Variants in ZPLD1 observed in about 807,000 individuals in gnomAD.
The protein encoded by ZPLD1 is zona pellucida-like domain-containing protein 1.
Under a neutral mutation model 47.2 loss-of-function variants are expected in ZPLD1, and 34 were observed. That is an observed-to-expected ratio of 0.72 (90% CI 0.55 to 0.96). The LOEUF is 0.96. Among genes scored for constraint, ZPLD1 ranks in the 40% least tolerant of loss-of-function variants. ZPLD1 has a pLI of 0.00. For missense variants in ZPLD1, 512 were observed against 505.8 expected (o/e 1.01, Z -0.12); for synonymous variants, 176 against 186.2 (o/e 0.95, Z 0.45).
chr3:102,438,465 A>G lies in ZPLD1; in HGVS notation c.-8-15A>G, dbSNP rs777574806. 3.8e-6 allele frequency: 6 copies of G among 1,591,152 alleles called. No homozygotes were observed. Among genetic ancestry groups the G allele is most frequent in the East Asian group, 4.5e-5 (2 of 44,750 alleles). ...TTAAGTGGGAGTGTCCACATGATAG[A>G]TATCTCTTTTCCAGGTTTTGCAATG... On this transcript the variant is annotated splice_polypyrimidine_tract_variant and intron_variant, in intron 2 of 11. Transcript: ENST00000466937.
Position 102,464,176 on chromosome 3 carries a change from A to G in ZPLD1, c.686A>G (p.Asn229Ser), listed in dbSNP as rs759623058. Residue 229 changes from asparagine (N) to serine (S), a missense_variant, in exon 8 of 12, where the codon AAT (asparagine) becomes AGT (serine). Coordinates refer to ENST00000466937, the MANE Select transcript of ZPLD1 (RefSeq NM_001329788.2). Reference protein sequence around the residue: ...VQATNLDGRWNVLMDYCYTTP... With the variant: ...VQATNLDGRWSVLMDYCYTTP... ...GTTTGCTTACATTCTTTCAGATGGAATGTTTTAATGGATTATTGCTATACT... is the reference window on the plus strand; with the variant it reads ...GTTTGCTTACATTCTTTCAGATGGAGTGTTTTAATGGATTATTGCTATACT... The G allele has an allele frequency of 3.7e-6, 6 of 1,609,682 alleles. No homozygotes were observed. The South Asian group carries it at 6.6e-5, about 18-fold the overall frequency.
intron 7 of ZPLD1, among the ~76,000 whole-genome samples, chr3:102,407,440 T>C (rs557241102): frequency 0.02 from 1,902 of 96,416 alleles, 126 homozygotes; most frequent in African/African-American, 0.067. Context: ...TATATATATA[T>C]ATACACACAT....
rs376422041 is a variant in ZPLD1 at position 102,390,902 on chromosome 3, A to G, written c.-212-1268A>G. Among the ~76,000 whole-genome samples, 9 of 152,152 alleles carry G rather than the reference A, an allele frequency of 5.9e-5. 1 individual carries two copies. Among genetic ancestry groups the G allele is most frequent in the Admixed American group, 3.9e-4 (6 of 15,274 alleles). ...ACATTGGAAAGCACCTCAAATAATT[A>G]GCATGTAAGCCCAGTGATATTCTAG... is the stretch of plus-strand genomic sequence containing the variant. On this transcript the variant is annotated intron_variant, in intron 6 of 17. Transcript: ENST00000491959.
chr3:102,468,199 A>G (rs1312484389), intron 8 of ZPLD1, among the ~76,000 whole-genome samples: 1 of 152,162 alleles, frequency 6.6e-6, no homozygotes, highest in East Asian at 1.9e-4. Flanking sequence ...AGAAGTAAGC[A>G]TTGTTTTCAT....
At position 102,468,969 on chromosome 3, in the gene ZPLD1, A is replaced by T; in HGVS notation, c.767A>T (p.Asp256Val). Residue 256 changes from aspartate to valine, a missense_variant, in exon 9 of 12, where the codon GAC becomes GTC. Physicochemically the swap from Asp to Val is radical, Grantham distance 152 (BLOSUM62 -3). Coordinates refer to ENST00000466937, the MANE Select transcript of ZPLD1 (RefSeq NM_001329788.2). ...TCACGTTCCCTAAAATTTAGCTGTGACAAGGACCCTCAGACCACCGTCATT... is the reference window on the plus strand; with the variant it reads ...TCACGTTCCCTAAAATTTAGCTGTGTCAAGGACCCTCAGACCACCGTCATT... ...DIRYDLFLSCDKDPQTTVIEN... is the reference protein window; with the variant it reads ...DIRYDLFLSCVKDPQTTVIEN... 2 of 1,611,714 alleles carry T rather than the reference A, an allele frequency of 1.2e-6. No homozygotes were observed. The highest frequency in any genetic ancestry group is 1.7e-6 in the Non-Finnish European group (2 of 1,179,102).
At chr3:102,440,414 G>C (rs921526270) in intron 3 of ZPLD1, among the ~76,000 whole-genome samples, 2 of 152,034 alleles carry the variant, frequency 1.3e-5, no homozygotes, top group Admixed American at 6.6e-5. Context: ...GAGAGAAAGA[G>C]AAGATTAAAG....
chr3:102,425,432 T>A (rs1253152680), intron 8 of ZPLD1, among the ~76,000 whole-genome samples: 1 of 152,206 alleles, frequency 6.6e-6, no homozygotes, highest in Non-Finnish European at 1.5e-5. Context: ...ATTTATTAGT[T>A]ATAATGCAAC....
At chr3:102,422,444 C>G (rs1431991905) in intron 8 of ZPLD1, among the ~76,000 whole-genome samples, 1 of 152,034 alleles carries the variant, frequency 6.6e-6, no homozygotes, top group Non-Finnish European at 1.5e-5. Context: ...TGGCCCAAAA[C>G]ATCAATAGTG....
chr3:102,454,317 T>G (rs1707380528), intron 4 of ZPLD1, among the ~76,000 whole-genome samples: 1 of 152,142 alleles, frequency 6.6e-6, no homozygotes, highest in Non-Finnish European at 1.5e-5. Context: ...GGTTATGAAG[T>G]GGACCTAAGG....
In ZPLD1 at chr3:102,469,197, A is replaced by G. The variant is rs556751868; in HGVS notation, c.933+62A>G. On this transcript the variant is annotated intron_variant, in intron 9 of 11. Coordinates refer to ENST00000466937, the MANE Select transcript of ZPLD1 (RefSeq NM_001329788.2). ...TTGATCTAAGCTGAAAGGTTATCAA[A>G]TGTCAGAAACTAAGTTCTGCATAGA... 4.1e-5 allele frequency: 63 copies of G among 1,525,884 alleles called. No homozygotes were observed. The African/African-American group carries it at 8.1e-4, about 20-fold the overall frequency. 94.5% of individuals were successfully genotyped at this position (1,525,884 alleles called of 1,614,324 possible).
At chr3:102,474,559 G>A (rs1006394603) in intron 10 of ZPLD1, among the ~76,000 whole-genome samples, 6 of 152,018 alleles carry the variant, frequency 3.9e-5, no homozygotes, top group African/African-American at 7.3e-5. Flanking sequence ...ATTAATTTGA[G>A]ATGTGTGGTC....
At chr3:102,466,326 T>C (rs925601999) in intron 8 of ZPLD1, among the ~76,000 whole-genome samples, 1 of 152,164 alleles carries the variant, frequency 6.6e-6, no homozygotes, top group Non-Finnish European at 1.5e-5. Context: ...GCCTTAGGGG[T>C]CCTAAAAATT....
At chr3:102,454,107 T>C (rs962916472) in intron 4 of ZPLD1, among the ~76,000 whole-genome samples, 7 of 152,224 alleles carry the variant, frequency 4.6e-5, no homozygotes, top group Non-Finnish European at 7.3e-5. Context: ...AAAGGATTGA[T>C]TATTCCAAGG....
chr3:102,449,855 G>A (rs1707310219), intron 3 of ZPLD1, among the ~76,000 whole-genome samples: 2 of 152,242 alleles, frequency 1.3e-5, no homozygotes, highest in South Asian at 4.1e-4. Context: ...TAGAAGACAA[G>A]AGAGGACTCC....
At chr3:102,385,626 G>A (rs1706416612) in intron 6 of ZPLD1, among the ~76,000 whole-genome samples, 2 of 152,156 alleles carry the variant, frequency 1.3e-5, no homozygotes, top group South Asian at 4.1e-4. Context: ...CACCAGTGAA[G>A]ACTACTGAGT....
intron 8 of ZPLD1, among the ~76,000 whole-genome samples, chr3:102,424,371 A>G (rs1382249197): frequency 6.6e-6 from 1 of 152,100 alleles, no homozygotes; most frequent in Non-Finnish European, 1.5e-5. Context: ...TCCTATATCT[A>G]TTCCCTCTAA....
chr3:102,387,148 G>A (rs1706433134), intron 6 of ZPLD1, among the ~76,000 whole-genome samples: 1 of 151,918 alleles, frequency 6.6e-6, no homozygotes, highest in Non-Finnish European at 1.5e-5. Flanking sequence ...CTGTGAGCTG[G>A]GTCTCTTGAC....
chr3:102,419,820 T>A (rs1403663900), intron 8 of ZPLD1, among the ~76,000 whole-genome samples: 1 of 151,932 alleles, frequency 6.6e-6, no homozygotes, highest in Non-Finnish European at 1.5e-5. Flanking sequence ...AATGATAATC[T>A]TTTGTCTCAT....
chr3:102,444,182 A>T (rs1028752982), intron 3 of ZPLD1, among the ~76,000 whole-genome samples: 1 of 152,190 alleles, frequency 6.6e-6, no homozygotes, highest in African/African-American at 2.4e-5. Flanking sequence ...CTGCCTGAAA[A>T]AGATGACCAA....
Sources: allele counts gnomAD v4.1 joint callset (sites outside exome capture counted in the v4.1 genomes callset), GRCh38; gene constraint gnomAD v4.1.1; transcripts MANE v1.5; gene names NCBI Gene and HGNC (gene_info 2026-07-23, HGNC 2026-07-21).